ABI3BP: variants seen among roughly 807,000 people sequenced by gnomAD.
The protein encoded by ABI3BP is target of Nesh-SH3.
A neutral mutation model predicts 268.6 loss-of-function variants in ABI3BP; 216 were observed. That is an observed-to-expected ratio of 0.80 (90% confidence interval 0.72 to 0.90). ABI3BP has a LOEUF of 0.90. ABI3BP is among the 40% of genes least tolerant of loss of function. The probability of loss-of-function intolerance (pLI) is 0.00; values close to 1 mark genes in which losing one functional copy is unlikely to be tolerated. For missense variants in ABI3BP, 2,090 were observed against 2,182.4 expected (o/e 0.96, Z 0.84); for synonymous variants, 730 against 730.0 (o/e 1.00, Z 0.00).
chr3:100,764,822 A>T (rs2096188488), intron 63 of ABI3BP, among the ~76,000 whole-genome samples: 1 of 152,240 alleles, frequency 6.6e-6, no homozygotes, highest in Admixed American at 6.5e-5. Flanking sequence ...GCTTTTACTG[A>T]CATATGCTTA....
At chr3:100,875,408 T>C (rs1214376796) in intron 8 of ABI3BP, 100 bp downstream of exon 8, 10 of 890,564 alleles carry the variant, frequency 1.1e-5, no homozygotes, top group Admixed American at 3.8e-5. Context: ...ACCACATCAA[T>C]TAAACAGAAC....
chr3:100,770,872 C>T lies in ABI3BP; in HGVS notation c.4612G>A (p.Glu1538Lys), dbSNP rs2096526772. 6.2e-7 allele frequency: 1 copy of T among 1,604,018 alleles called. No individual in the cohort carries two copies. The highest frequency in any genetic ancestry group is 8.5e-7 in the Non-Finnish European group (1 of 1,175,216). ...CTGGTGGCATTCCCCTCTGTGGCCT[C>T]CTCTTTGGGGAACCGTTTGACAGAG... is the stretch of plus-strand genomic sequence containing the variant. ...TDSVKRFPKE[E>K]ATEGNATSPP... The change falls in exon 62 of 68, where the codon GAG (glutamate) becomes AAG (lysine). Residue 1538 changes from glutamate (E) to lysine (K), a missense_variant. By Grantham distance (56) the Glu-to-Lys change is moderately conservative. Coordinates refer to ENST00000471714, the MANE Select transcript of ABI3BP (RefSeq NM_001375547.2).
intron 1 of ABI3BP, among the ~76,000 whole-genome samples, chr3:100,937,294 G>A (rs1432082841): frequency 2.0e-5 from 3 of 152,044 alleles, no homozygotes; most frequent in Non-Finnish European, 4.4e-5. Context: ...TTGCCAGTTA[G>A]CTAATAACCT....
Position 100,821,039 on chromosome 3 carries a change from G to A in ABI3BP, c.2947+15C>T, listed in dbSNP as rs1039125203. On this transcript the variant is annotated intron_variant, in intron 39 of 67. Transcript: ENST00000471714. The stretch of plus-strand genomic sequence containing the variant: ...GAAGGAAGAACACTTAATGAGGATT[G>A]CAACGTGCTATTACCTTGTGTTGTC... The A allele has an allele frequency of 7.8e-6, 12 of 1,532,882 alleles. No individual in the cohort carries two copies. The African/African-American group carries it at 1.1e-4, about 14-fold the overall frequency. 95.0% of individuals were successfully genotyped at this position (1,532,882 alleles called of 1,614,324 possible).
chr3:100,818,691 G>A (rs1286571175), intron 40 of ABI3BP, 110 bp from the exon 41 acceptor site: 2 of 920,882 alleles, frequency 2.2e-6, no homozygotes, highest in East Asian at 2.7e-5. Context: ...TCTGAAACTT[G>A]ATACTTGTTA....
At chr3:100,891,176 C>T (rs1009173798) in intron 4 of ABI3BP, among the ~76,000 whole-genome samples, 1 of 152,088 alleles carries the variant, frequency 6.6e-6, no homozygotes, top group Admixed American at 6.6e-5. Context: ...GTTATTTTTA[C>T]CATGATTCTC....
chr3:100,966,811 G>T (rs1431170748), intron 1 of ABI3BP, among the ~76,000 whole-genome samples: 1 of 152,130 alleles, frequency 6.6e-6, no homozygotes. Flanking sequence ...GTGAATTCAT[G>T]ATTATGTCCC....
At chr3:100,934,698 C>T (rs1192752270) in intron 1 of ABI3BP, among the ~76,000 whole-genome samples, 1 of 151,950 alleles carries the variant, frequency 6.6e-6, no homozygotes, top group Non-Finnish European at 1.5e-5. Context: ...GATGGTATCT[C>T]ATTGTGGTTT....
At chr3:100,889,380 G>A (rs936066353) in intron 4 of ABI3BP, among the ~76,000 whole-genome samples, 2 of 151,990 alleles carry the variant, frequency 1.3e-5, no homozygotes, top group Non-Finnish European at 2.9e-5. Flanking sequence ...TGTGGTGCTA[G>A]GCAAAAGACA....
rs2097232446 is a variant in ABI3BP, at chr3:100,792,736, T to C, written c.3979A>G (p.Thr1327Ala). 1 of 1,611,694 alleles carries C rather than the reference T, an allele frequency of 6.2e-7. No homozygotes were observed. The highest frequency in any genetic ancestry group is 8.5e-7 in the Non-Finnish European group (1 of 1,178,354). Residue 1327 changes from threonine (T) to alanine (A), a missense_variant, in exon 55 of 68, where the codon ACA (threonine) becomes GCA (alanine). Thr to Ala is a moderately conservative substitution (Grantham distance 58). Transcript: ENST00000471714. ...ETDQSTQEPF[T>A]TKIPRTTELA... The stretch of plus-strand genomic sequence containing the variant: ...TCAGTTGTTCGTGGAATCTTAGTTG[T>C]GAAAGGTTCTTGGGTGGATTGGTCT...
At chr3:100,867,853 C>A (rs2099069833) in intron 9 of ABI3BP, among the ~76,000 whole-genome samples, 1 of 151,870 alleles carries the variant, frequency 6.6e-6, no homozygotes, top group Non-Finnish European at 1.5e-5. Context: ...GAATTCAGTA[C>A]AAAGAATAAT....
chr3:100,862,445 G>A (rs1049529563), intron 13 of ABI3BP, 60 bp from the exon 14 acceptor site: 4 of 1,163,722 alleles, frequency 3.4e-6, no homozygotes, highest in Non-Finnish European at 4.9e-6. Context: ...AGGAGAACGA[G>A]ACAGAAATAG....
intron 20 of ABI3BP, chr3:100,844,507 G>C: frequency 1.0e-6 from 1 of 970,332 alleles, no homozygotes; most frequent in East Asian, 1.1e-4. Flanking sequence ...CAGAAAAATA[G>C]AAGAGTGTGC....
At chr3:100,984,417 T>C (rs1255901409) in intron 1 of ABI3BP, among the ~76,000 whole-genome samples, 1 of 152,198 alleles carries the variant, frequency 6.6e-6, no homozygotes, top group Non-Finnish European at 1.5e-5. Context: ...CAGAAGATGC[T>C]TGAAGTGGGT....
chr3:100,820,654 A>G (rs752085278), intron 39 of ABI3BP, among the ~76,000 whole-genome samples: 9 of 152,232 alleles, frequency 5.9e-5, no homozygotes, highest in Non-Finnish European at 1.0e-4. Context: ...AATGTCAATC[A>G]GAGAATATCA....
At chr3:100,847,951 C>T (rs1236994464) in intron 18 of ABI3BP, among the ~76,000 whole-genome samples, 1 of 152,176 alleles carries the variant, frequency 6.6e-6, no homozygotes, top group Non-Finnish European at 1.5e-5. Context: ...GGTTAATAAG[C>T]ATCTGTACCA....
intron 2 of ABI3BP, among the ~76,000 whole-genome samples, chr3:100,920,115 C>T (rs2059798926): frequency 6.6e-6 from 1 of 152,190 alleles, no homozygotes; most frequent in Non-Finnish European, 1.5e-5. Flanking sequence ...GGCTGCCTTT[C>T]AGTGACTAAC....
At chr3:100,882,928 G>A (rs1009782399) in intron 6 of ABI3BP, among the ~76,000 whole-genome samples, 1 of 152,120 alleles carries the variant, frequency 6.6e-6, no homozygotes, top group Admixed American at 6.6e-5. Context: ...AACAAAGAAT[G>A]AGGATTTTTC....
chr3:100,857,941 G>A (rs1207356978), intron 14 of ABI3BP, among the ~76,000 whole-genome samples: 5 of 152,316 alleles, frequency 3.3e-5, no homozygotes, highest in African/African-American at 1.2e-4. Context: ...GTGCACATAC[G>A]TGCACATGCA....
Sources: gnomAD v4.1 joint callset for allele counts (sites outside exome capture counted in the v4.1 genomes callset) on GRCh38, gnomAD v4.1.1 for gene constraint, MANE v1.5 for transcripts, NCBI Gene and HGNC (gene_info 2026-07-23, HGNC 2026-07-21) for gene names.